Variants in SYT1 observed in about 807,000 individuals in gnomAD.
The protein encoded by SYT1 is synaptotagmin 1.
In SYT1, 8 loss-of-function variants were observed where a neutral mutation model predicts 44.8. The ratio of observed to expected loss-of-function variants is 0.18; its 90% CI spans 0.10 to 0.32. The LOEUF (loss-of-function observed/expected upper bound fraction) is 0.32. Among genes scored for constraint, SYT1 ranks in the 10% least tolerant of loss-of-function variants. The pLI is 1.00. For synonymous variants in SYT1, 154 were observed against 188.8 expected (o/e 0.82, Z 1.51); for missense variants, 286 against 509.3 (o/e 0.56, Z 4.22).
chr12:79,108,064 T>A (rs1878813656), intron 3 of SYT1, among the ~76,000 whole-genome samples: 1 of 151,826 alleles, frequency 6.6e-6, no homozygotes, highest in African/African-American at 2.4e-5. Flanking sequence ...ACAATCAAAG[T>A]AGAAAGACAG....
intron 2 of SYT1, among the ~76,000 whole-genome samples, chr12:79,026,378 A>G (rs1872529137): frequency 6.6e-6 from 1 of 151,442 alleles, no homozygotes; most frequent in Non-Finnish European, 1.5e-5. Context: ...CATTCTCTGA[A>G]TGTGTAATGC....
chr12:79,243,863 TGGAAGGAAGGAG>T (rs1592890821), intron 4 of SYT1, among the ~76,000 whole-genome samples: 1 of 138,278 alleles, frequency 7.2e-6, no homozygotes, highest in African/African-American at 2.7e-5. Flanking sequence ...GAAGGTGAGA[TGGAAGGAAGGAG>T]GGAAGGAAGG....
At chr12:79,135,147 C>A (rs1869106255) in intron 3 of SYT1, among the ~76,000 whole-genome samples, 1 of 152,004 alleles carries the variant, frequency 6.6e-6, no homozygotes, top group Non-Finnish European at 1.5e-5. Context: ...TACATGTGCA[C>A]AACGTGCAGG....
chr12:79,340,612 A>C (rs1882324333), intron 8 of SYT1, among the ~76,000 whole-genome samples: 1 of 152,234 alleles, frequency 6.6e-6, no homozygotes, highest in African/African-American at 2.4e-5. Flanking sequence ...GTCATCTGCA[A>C]ACAGGGACAA....
At chr12:79,100,140 G>T (rs11835387) in intron 3 of SYT1, among the ~76,000 whole-genome samples, 1 of 152,064 alleles carries the variant, frequency 6.6e-6, no homozygotes, top group Non-Finnish European at 1.5e-5. Flanking sequence ...TGCTTCTTTG[G>T]AGGTATTGTT....
At chr12:79,104,489 A>G (rs2138065654) in intron 3 of SYT1, among the ~76,000 whole-genome samples, 1 of 152,162 alleles carries the variant, frequency 6.6e-6, no homozygotes, top group East Asian at 1.9e-4. Context: ...AATAATGGGG[A>G]GATGCATAAG....
intron 3 of SYT1, among the ~76,000 whole-genome samples, chr12:79,106,655 T>C (rs1262203132): frequency 6.6e-6 from 1 of 151,862 alleles, no homozygotes; most frequent in Non-Finnish European, 1.5e-5. Context: ...CTAAGGAAAG[T>C]GTGAAATATT....
rs184506014 is a variant in SYT1 at position 78,964,977 on chromosome 12, A to G, written c.-216-12822A>G. On this transcript the variant is annotated intron_variant, in intron 1 of 10. Coordinates refer to ENST00000261205, the MANE Select transcript of SYT1 (RefSeq NM_005639.3). ...CTGATGTAAATAATAATATTTTATT[A>G]TTAACTATTATTAATGCAAATATAT... 4.9e-3 allele frequency among the ~76,000 whole-genome samples: 743 copies of G among 152,120 alleles called. 5 individuals carry two copies. The highest frequency in any genetic ancestry group is 0.01 in the Middle Eastern group (3 of 294).
intron 1 of SYT1, among the ~76,000 whole-genome samples, chr12:78,877,715 T>C (rs1244285897): frequency 6.6e-6 from 1 of 151,688 alleles, no homozygotes; most frequent in African/African-American, 2.4e-5. Context: ...GTCATTCAGG[T>C]TGGAGAGCAA....
At chr12:79,308,601 A>G (rs1592951310) in intron 8 of SYT1, among the ~76,000 whole-genome samples, 1 of 84,866 alleles carries the variant, frequency 1.2e-5, no homozygotes, top group African/African-American at 4.5e-5. Flanking sequence ...GAAGAAAGAA[A>G]GAAAGAAAGA....
At chr12:79,003,304 C>G (rs77917286) in intron 2 of SYT1, among the ~76,000 whole-genome samples, 6,196 of 152,008 alleles carry the variant, frequency 0.041, 188 homozygotes, top group East Asian at 0.15. Context: ...TGATCCCCCC[C>G]ACCACACACA....
chr12:78,994,486 C>CT (rs376614789), intron 2 of SYT1, among the ~76,000 whole-genome samples: 1,453 of 130,638 alleles, frequency 0.011, 12 homozygotes, highest in East Asian at 0.022. Flanking sequence ...TTTTCTTCTC[C>CT]TTTTTTTTTT....
chr12:78,940,812 C>T (rs575034301), intron 1 of SYT1, among the ~76,000 whole-genome samples: 2 of 152,210 alleles, frequency 1.3e-5, no homozygotes, highest in South Asian at 4.1e-4. Context: ...GTTATCAAAG[C>T]ATTTTGTAAA....
At chr12:79,008,528 G>T (rs1186002672) in intron 2 of SYT1, among the ~76,000 whole-genome samples, 1 of 152,132 alleles carries the variant, frequency 6.6e-6, no homozygotes, top group Non-Finnish European at 1.5e-5. Flanking sequence ...AAAGATAAGA[G>T]TTAAGAGAGT....
At chr12:78,888,482 T>C (rs1874868391) in intron 1 of SYT1, among the ~76,000 whole-genome samples, 1 of 151,992 alleles carries the variant, frequency 6.6e-6, no homozygotes, top group Non-Finnish European at 1.5e-5. Context: ...AATCATCACC[T>C]AAATGTTCCT....
At chr12:79,377,260 C>T (rs769331793) in intron 9 of SYT1, among the ~76,000 whole-genome samples, 10 of 152,120 alleles carry the variant, frequency 6.6e-5, no homozygotes, top group African/African-American at 1.2e-4. Flanking sequence ...TGCAGGCTAC[C>T]GCCACCATGC....
intron 8 of SYT1, among the ~76,000 whole-genome samples, chr12:79,352,486 T>C (rs972482936): frequency 2.0e-5 from 3 of 152,186 alleles, no homozygotes; most frequent in African/African-American, 7.2e-5. Context: ...ATTTGCCATA[T>C]AGCTAATTCT....
At chr12:79,250,865 G>A (rs1877168915) in intron 4 of SYT1, among the ~76,000 whole-genome samples, 1 of 152,090 alleles carries the variant, frequency 6.6e-6, no homozygotes, top group African/African-American at 2.4e-5. Flanking sequence ...CTTTGGCTTG[G>A]CTTTCTTCAG....
In SYT1 at chr12:79,450,501, A is replaced by T. The variant is rs1287701913; in HGVS notation, c.*1377A>T. The T allele has an allele frequency of 6.6e-6, 1 of 152,562 alleles. No individual in the cohort carries two copies. Among genetic ancestry groups the T allele is most frequent in the African/African-American group, 2.4e-5 (1 of 41,424 alleles). 9.5% of individuals were successfully genotyped at this position (152,562 alleles called of 1,614,324 possible). A position where few individuals can be genotyped will look rare whatever the true frequency, so the allele number is the denominator to read the frequency against. On this transcript the variant is annotated 3_prime_UTR_variant, in exon 11 of 11. Coordinates refer to ENST00000261205, the MANE Select transcript of SYT1 (RefSeq NM_005639.3). ...TTAGGAGGAGTTTTTAAACGTTTTC[A>T]ATGTTATTATGTAGTAAATGACACT...
Sources: allele counts gnomAD v4.1 joint callset (sites outside exome capture counted in the v4.1 genomes callset), GRCh38; gene constraint gnomAD v4.1.1; transcripts MANE v1.5; gene names NCBI Gene and HGNC (gene_info 2026-07-23, HGNC 2026-07-21).